ADK: variants seen among roughly 807,000 people sequenced by gnomAD.
ADK encodes N6,N6-dimethyladenosine kinase.
In ADK, 24 loss-of-function variants were observed where a neutral mutation model predicts 44.7. The ratio of observed to expected loss-of-function variants is 0.54; its 90% CI spans 0.39 to 0.76. The LOEUF (loss-of-function observed/expected upper bound fraction) is 0.76, where lower values mean the gene tolerates loss of function less well. ADK is among the 30% of genes least tolerant of loss of function. The probability of loss-of-function intolerance (pLI) is 0.00; values close to 1 mark genes in which losing one functional copy is unlikely to be tolerated. For missense variants in ADK, 321 were observed against 425.1 expected (o/e 0.76, Z 2.15); for synonymous variants, 128 against 142.6 (o/e 0.90, Z 0.73).
chr10:74,547,441 TA>T (rs1469133674), intron 7 of ADK, among the ~76,000 whole-genome samples: 13 of 20,128 alleles, frequency 6.5e-4, no homozygotes, highest in African/African-American at 1.4e-3. Flanking sequence ...TATATATATA[TA>T]TATATTTATT....
intron 10 of ADK, among the ~76,000 whole-genome samples, chr10:74,693,125 G>A (rs572180515): frequency 6.6e-6 from 1 of 152,256 alleles, no homozygotes; most frequent in South Asian, 2.1e-4. Flanking sequence ...AACACAAAGT[G>A]TAAGCCCTAA....
chr10:74,391,554 A>G (rs1444877388), intron 4 of ADK, among the ~76,000 whole-genome samples: 1 of 151,870 alleles, frequency 6.6e-6, no homozygotes, highest in African/African-American at 2.4e-5. Flanking sequence ...CTAAAAGAAT[A>G]TATATGGTTG....
At chr10:74,240,376 GTGTGTGTGTGTGTGTGTGTGTGTGTC>G (rs1279453834) in intron 3 of ADK, among the ~76,000 whole-genome samples, 1 of 129,580 alleles carries the variant, frequency 7.7e-6, no homozygotes, top group Non-Finnish European at 1.5e-5. Flanking sequence ...TTTATTTTGT[GTGTGTGTGTGTGTGTGTGTGTGTGTC>G]TGTGTGTGTG....
chr10:74,153,156 G>A (rs533101893), intron 1 of ADK, among the ~76,000 whole-genome samples: 1 of 152,286 alleles, frequency 6.6e-6, no homozygotes, highest in East Asian at 1.9e-4. Context: ...AACAAATAAT[G>A]AGATATATTT....
chr10:74,675,303 A>G (rs1235774226), intron 10 of ADK, among the ~76,000 whole-genome samples: 4 of 152,184 alleles, frequency 2.6e-5, no homozygotes, highest in African/African-American at 7.2e-5. Flanking sequence ...TACATCATGG[A>G]TTTTCATGTA....
chr10:74,633,172 TC>T lies in ADK; in HGVS notation c.877+32681del, dbSNP rs771289450. Among the ~76,000 whole-genome samples the T allele has an allele frequency of 1.4e-4, 22 of 152,322 alleles. 1 individual carries two copies. The highest frequency in any genetic ancestry group is 2.8e-4 in the Non-Finnish European group (19 of 68,026). ...GTATTATATTCACACAGTATGAAATTCCTCCTTCTAGATGTTACCCATCTAA... is the reference window on the plus strand; with the variant it reads ...GTATTATATTCACACAGTATGAAATTCTCCTTCTAGATGTTACCCATCTAA... On this transcript the variant is annotated intron_variant, in intron 9 of 10. Coordinates refer to ENST00000539909, the MANE Select transcript of ADK (RefSeq NM_006721.4).
chr10:74,372,410 G>T lies in ADK; in HGVS notation c.274-21731G>T, dbSNP rs984770581. 4.4e-6 allele frequency: 3 copies of T among 689,548 alleles called. No homozygotes were observed. The African/African-American group carries it at 5.3e-5, about 12-fold the overall frequency. 42.7% of individuals were successfully genotyped at this position (689,548 alleles called of 1,614,324 possible). A position where few individuals can be genotyped will look rare whatever the true frequency, so the allele number is the denominator to read the frequency against. On this transcript the variant is annotated intron_variant, in intron 4 of 10. Coordinates refer to ENST00000539909, the MANE Select transcript of ADK (RefSeq NM_006721.4). ...AATGGGTAGGAGCAAACACTGAAAG[G>T]TCTTAAGCTGTTATTGCACACGCTC... is the stretch of plus-strand genomic sequence containing the variant.
chr10:74,258,582 C>G (rs1564620938), intron 3 of ADK, among the ~76,000 whole-genome samples: 1 of 152,026 alleles, frequency 6.6e-6, no homozygotes, highest in Non-Finnish European at 1.5e-5. Context: ...CATCATTAAT[C>G]AGTTTTAGAC....
At chr10:74,443,464 TG>T (rs1845493001) in intron 6 of ADK, among the ~76,000 whole-genome samples, 1 of 152,182 alleles carries the variant, frequency 6.6e-6, no homozygotes, top group African/African-American at 2.4e-5. Flanking sequence ...GTCTATTGTA[TG>T]ATCTCATTCA....
chr10:74,456,357 A>T (rs1249393335), intron 6 of ADK, among the ~76,000 whole-genome samples: 1 of 152,134 alleles, frequency 6.6e-6, no homozygotes, highest in African/African-American at 2.4e-5. Context: ...CCACAGTGCG[A>T]TCAAATTAGA....
intron 3 of ADK, among the ~76,000 whole-genome samples, chr10:74,260,665 G>A (rs1430830212): frequency 2.6e-5 from 4 of 152,010 alleles, no homozygotes; most frequent in Admixed American, 6.5e-5. Context: ...CACTGTTTTC[G>A]TTCCTAAATT....
intron 6 of ADK, among the ~76,000 whole-genome samples, chr10:74,462,937 C>G (rs1245155010): frequency 6.6e-6 from 1 of 152,060 alleles, no homozygotes; most frequent in Non-Finnish European, 1.5e-5. Context: ...TTTAGCATGT[C>G]CAGACTTTAG....
intron 2 of ADK, among the ~76,000 whole-genome samples, chr10:74,205,874 A>C (rs1428313311): frequency 6.6e-6 from 1 of 152,154 alleles, no homozygotes; most frequent in Non-Finnish European, 1.5e-5. Context: ...TCTTAACCCT[A>C]TAAAGGTTAC....
rs1592116030 is a variant in ADK at position 74,372,147 on chromosome 10, C to T, written c.274-21994C>T. 66 of 751,382 alleles carry T rather than the reference C, an allele frequency of 8.8e-5. No homozygotes were observed. In the East Asian group the frequency reaches 1.6e-3, roughly 18 times the overall value. 46.5% of individuals were successfully genotyped at this position (751,382 alleles called of 1,614,324 possible). A position where few individuals can be genotyped will look rare whatever the true frequency, so the allele number is the denominator to read the frequency against. The stretch of plus-strand genomic sequence containing the variant: ...ATTCATGCCTGATCTCTACAGAGAT[C>T]CTAAAGAGACTGAAAAAGCAGAGCA... On this transcript the variant is annotated intron_variant, in intron 4 of 10. Transcript: ENST00000539909.
intron 9 of ADK, among the ~76,000 whole-genome samples, chr10:74,605,820 C>T (rs545438914): frequency 6.6e-6 from 1 of 152,296 alleles, no homozygotes; most frequent in South Asian, 2.1e-4. Context: ...AGGAATAGTA[C>T]CAGCTCCTCT....
chr10:74,195,668 TTTTC>T (rs146395490), intron 1 of ADK, among the ~76,000 whole-genome samples: 27,080 of 142,770 alleles, frequency 0.19, 3,739 homozygotes, highest in African/African-American at 0.38. Flanking sequence ...ATATTTTTCT[TTTTC>T]TTTCTTTCTT....
At chr10:74,162,579 G>A (rs1441818603) in intron 1 of ADK, among the ~76,000 whole-genome samples, 1 of 150,788 alleles carries the variant, frequency 6.6e-6, no homozygotes, top group Non-Finnish European at 1.5e-5. Context: ...GAGTCTCACT[G>A]TGTCGCCCAG....
intron 10 of ADK, among the ~76,000 whole-genome samples, chr10:74,687,546 G>A (rs1171063533): frequency 6.6e-6 from 1 of 152,172 alleles, no homozygotes; most frequent in African/African-American, 2.4e-5. Context: ...TTCTTAAAAG[G>A]GTAATACGTG....
At chr10:74,570,668 T>C (rs1850920039) in intron 7 of ADK, among the ~76,000 whole-genome samples, 1 of 152,242 alleles carries the variant, frequency 6.6e-6, no homozygotes, top group Non-Finnish European at 1.5e-5. Context: ...AAGTTGCTTA[T>C]CAGCTTAAGG....
Sources: allele counts gnomAD v4.1 joint callset (sites outside exome capture counted in the v4.1 genomes callset), GRCh38; gene constraint gnomAD v4.1.1; transcripts MANE v1.5; gene names NCBI Gene and HGNC (gene_info 2026-07-23, HGNC 2026-07-21).